Variants in RABGAP1L observed in about 807,000 individuals in gnomAD.
The protein encoded by RABGAP1L is RAB GTPase activating protein 1 like.
A neutral mutation model predicts 137.7 loss-of-function variants in RABGAP1L; 63 were observed. The observed-to-expected ratio is 0.46, with a 90% CI of 0.37 to 0.56. RABGAP1L has a LOEUF of 0.56. Ranked by LOEUF, RABGAP1L falls within the 20% of genes least tolerant of loss-of-function variation. The probability of loss-of-function intolerance (pLI) is 0.00; values close to 1 mark genes in which losing one functional copy is unlikely to be tolerated. For missense variants in RABGAP1L, 1,095 were observed against 1,244.0 expected (o/e 0.88, Z 1.80); for synonymous variants, 431 against 433.7 (o/e 0.99, Z 0.08).
At chr1:174,824,765 C>G (rs982230997) in intron 19 of RABGAP1L, among the ~76,000 whole-genome samples, 2 of 151,962 alleles carry the variant, frequency 1.3e-5, no homozygotes, top group African/African-American at 4.8e-5. Flanking sequence ...GCTTATTTCA[C>G]TCTTGGGCCT....
chr1:174,842,315 A>G (rs549781149), intron 19 of RABGAP1L, among the ~76,000 whole-genome samples: 3 of 152,078 alleles, frequency 2.0e-5, no homozygotes, highest in Admixed American at 6.5e-5. Context: ...ACCCCAATAT[A>G]CCCACAGTAC....
At chr1:174,804,124 A>C (rs948389412) in intron 18 of RABGAP1L, among the ~76,000 whole-genome samples, 1 of 152,110 alleles carries the variant, frequency 6.6e-6, no homozygotes, top group Non-Finnish European at 1.5e-5. Context: ...AAACACATTG[A>C]AAATGGTATC....
intron 4 of RABGAP1L, among the ~76,000 whole-genome samples, chr1:174,241,262 A>G (rs780636264): frequency 1.2e-4 from 18 of 152,082 alleles, no homozygotes; most frequent in Non-Finnish European, 2.2e-4. Context: ...GGAGGTTGCA[A>G]TGAGCCAAGA....
At chr1:174,893,148 CT>C in intron 19 of RABGAP1L, 1 of 242,416 alleles carries the variant, frequency 4.1e-6, no homozygotes. Context: ...GTGCATACTG[CT>C]TTATACTGAT....
intron 13 of RABGAP1L, among the ~76,000 whole-genome samples, chr1:174,419,515 T>G (rs1651004801): frequency 6.6e-6 from 1 of 152,266 alleles, no homozygotes; most frequent in African/African-American, 2.4e-5. Context: ...CTTACTATTT[T>G]CTTTAAAACA....
At chr1:174,685,890 G>C (rs546044369) in intron 15 of RABGAP1L, among the ~76,000 whole-genome samples, 5 of 152,126 alleles carry the variant, frequency 3.3e-5, no homozygotes, top group Admixed American at 6.5e-5. Flanking sequence ...AATTATTTGA[G>C]TTCAGGATAT....
At chr1:174,403,944 C>T (rs1365235961) in intron 13 of RABGAP1L, among the ~76,000 whole-genome samples, 1 of 151,930 alleles carries the variant, frequency 6.6e-6, no homozygotes, top group Non-Finnish European at 1.5e-5. Flanking sequence ...AAAAATCACT[C>T]CTAAATACTG....
At chr1:174,701,164 C>T (rs1344340391) in intron 16 of RABGAP1L, 1 of 1,303,104 alleles carries the variant, frequency 7.7e-7, no homozygotes, top group Non-Finnish European at 1.0e-6. Context: ...TATGCTAATA[C>T]TTTGTACCTT....
chr1:174,823,453 G>A (rs1170959041), intron 19 of RABGAP1L, among the ~76,000 whole-genome samples: 1 of 152,042 alleles, frequency 6.6e-6, no homozygotes, highest in Non-Finnish European at 1.5e-5. Flanking sequence ...TTAACATTAT[G>A]TTTAAAGTGT....
chr1:174,989,919 C>A lies in RABGAP1L; in HGVS notation c.3074C>A (p.Thr1025Asn). ...QAAKNSWFSK[T>N]LNSIKTATGT... ...GCGAAAAACTCTTGGTTTAGCAAAA[C>A]CCTGAACTCTATCAAAACGGCCACG... Residue 1025 changes from threonine (T) to asparagine (N), a missense_variant, in exon 26 of 26, where the codon ACC (threonine) becomes AAC (asparagine). By Grantham distance (65) the Thr-to-Asn change is moderately conservative (BLOSUM62 0). Coordinates refer to ENST00000681986, the MANE Select transcript of RABGAP1L (RefSeq NM_001366446.1). The A allele has an allele frequency of 6.5e-7, 1 of 1,550,274 alleles. No homozygotes were observed. Among genetic ancestry groups the A allele is most frequent in the Non-Finnish European group, 8.7e-7 (1 of 1,146,656 alleles).
At chr1:174,503,947 A>G (rs1005367723) in intron 13 of RABGAP1L, among the ~76,000 whole-genome samples, 1 of 150,548 alleles carries the variant, frequency 6.6e-6, no homozygotes, top group Non-Finnish European at 1.5e-5. Flanking sequence ...AAAACAATCT[A>G]CAGATTCAAT....
At chr1:174,213,208 T>TG (rs1365120395) in intron 1 of RABGAP1L, among the ~76,000 whole-genome samples, 1 of 152,136 alleles carries the variant, frequency 6.6e-6, no homozygotes, top group Non-Finnish European at 1.5e-5. Flanking sequence ...GTGGATCACC[T>TG]GAGGTCAGGA....
At chr1:174,913,321 A>G (rs1660347915) in intron 19 of RABGAP1L, among the ~76,000 whole-genome samples, 1 of 152,128 alleles carries the variant, frequency 6.6e-6, no homozygotes, top group South Asian at 2.1e-4. Context: ...CAATATAACT[A>G]TACAGATTTT....
At chr1:174,783,235 T>C (rs1687160373) in intron 18 of RABGAP1L, among the ~76,000 whole-genome samples, 1 of 152,164 alleles carries the variant, frequency 6.6e-6, no homozygotes, top group South Asian at 2.1e-4. Flanking sequence ...CCCAGGTTTG[T>C]CCTATTCTAG....
At chr1:174,965,965 G>T (rs1206619936) in intron 20 of RABGAP1L, among the ~76,000 whole-genome samples, 1 of 152,140 alleles carries the variant, frequency 6.6e-6, no homozygotes, top group Non-Finnish European at 1.5e-5. Context: ...GTAATGAGAA[G>T]TTACTAGTCA....
Position 174,984,749 on chromosome 1 carries a change from C to A in RABGAP1L, c.2805+1844C>A, listed in dbSNP as rs527986736. Among the ~76,000 whole-genome samples, 264 of 151,792 alleles carry A rather than the reference C, an allele frequency of 1.7e-3. 1 individual carries two copies. Among genetic ancestry groups the A allele is most frequent in the Non-Finnish European group, 3.0e-3 (202 of 67,886 alleles). ...AGAGTGAGATTCCATCTCAAAAAAA[C>A]AAAAAACAAACAAAAAAAGTGCTAA... On this transcript the variant is annotated intron_variant, in intron 24 of 25. Transcript: ENST00000681986.
At chr1:174,650,731 CTTT>C (rs1272276690) in intron 14 of RABGAP1L, among the ~76,000 whole-genome samples, 1 of 150,176 alleles carries the variant, frequency 6.7e-6, no homozygotes, top group East Asian at 1.9e-4. Flanking sequence ...CTCTTTTCTT[CTTT>C]ATTAGTCTTG....
In RABGAP1L at chr1:174,414,967, G is replaced by T. The variant is rs186957762; in HGVS notation, c.1710+20822G>T. Among the ~76,000 whole-genome samples, 1,067 of 151,902 alleles carry T rather than the reference G, an allele frequency of 7.0e-3. 8 individuals are homozygous for T. Among genetic ancestry groups the T allele is most frequent in the Middle Eastern group, 0.014 (4 of 294 alleles). On this transcript the variant is annotated intron_variant, in intron 13 of 25. Coordinates refer to ENST00000681986, the MANE Select transcript of RABGAP1L (RefSeq NM_001366446.1). ...GCCATTGAGTGAATTTAAGATTATT[G>T]TTGGCCTTGGAAAAATTCAGTTCCT...
At chr1:174,675,956 G>C (rs1353849062) in intron 14 of RABGAP1L, among the ~76,000 whole-genome samples, 3 of 151,954 alleles carry the variant, frequency 2.0e-5, no homozygotes, top group African/African-American at 7.2e-5. Flanking sequence ...GATAACAGAG[G>C]TACCTGCAAG....
Sources: allele counts gnomAD v4.1 joint callset (sites outside exome capture counted in the v4.1 genomes callset), GRCh38; gene constraint gnomAD v4.1.1; transcripts MANE v1.5; gene names NCBI Gene and HGNC (gene_info 2026-07-23, HGNC 2026-07-21).